Variants in MAST4 observed in about 807,000 individuals in gnomAD.
MAST4 encodes microtubule associated serine/threonine kinase family member 4.
Under a neutral mutation model 162.7 loss-of-function variants are expected in MAST4, and 89 were observed. The ratio of observed to expected loss-of-function variants is 0.55; its 90% CI spans 0.46 to 0.65. The LOEUF (loss-of-function observed/expected upper bound fraction) is 0.65, where lower values mean the gene tolerates loss of function less well. MAST4 is among the 30% of genes least tolerant of loss of function. MAST4 has a pLI of 0.00. For synonymous variants in MAST4, 1,479 were observed against 1,361.1 expected, an observed-to-expected ratio of 1.09 and a Z score of -1.91; for missense variants, 3,153 against 3,374.0, an observed-to-expected ratio of 0.93 and a Z score of 1.62.
At position 67,166,481 on chromosome 5, in the gene MAST4, C is replaced by T. The variant is rs1773991175; in HGVS notation, c.7302C>T (p.Pro2434=). 6.2e-7 allele frequency: 1 copy of T among 1,604,356 alleles called. No individual in the cohort carries two copies. The highest frequency in any genetic ancestry group is 8.5e-7 in the Non-Finnish European group (1 of 1,175,398). The change falls in exon 29 of 29, where the codon CCC becomes CCT. Residue 2434 remains proline, a synonymous_variant. Transcript: ENST00000403625. ...AGCCACCGACGGAGGCAGACAAGCC[C>T]AATGGCATGAAACGGTCCCCCTCAG... ...PQKPPTEADK[P]NGMKRSPSAT... is the part of the protein sequence containing the mutation.
intron 4 of MAST4, among the ~76,000 whole-genome samples, chr5:67,049,606 G>A (rs1193116832): frequency 6.6e-6 from 1 of 152,074 alleles, no homozygotes; most frequent in Non-Finnish European, 1.5e-5. Flanking sequence ...TCATTAGGAC[G>A]ATGTAATAAT....
intron 1 of MAST4, 131 bp downstream of exon 1, chr5:66,597,149 C>A: frequency 8.5e-7 from 1 of 1,173,812 alleles, no homozygotes; most frequent in Non-Finnish European, 1.1e-6. Flanking sequence ...AGCGCTCTGC[C>A]CCGAGCACGG....
intron 3 of MAST4, among the ~76,000 whole-genome samples, chr5:66,816,847 A>G (rs1312942223): frequency 6.6e-6 from 1 of 152,154 alleles, no homozygotes; most frequent in Non-Finnish European, 1.5e-5. Flanking sequence ...TTCAGAAACT[A>G]CTTACTTCCA....
intron 3 of MAST4, among the ~76,000 whole-genome samples, chr5:66,833,414 C>T (rs951469830): frequency 6.6e-6 from 1 of 152,198 alleles, no homozygotes; most frequent in Admixed American, 6.5e-5. Flanking sequence ...ATTCATCCTG[C>T]TTTTTAGCCC....
chr5:66,928,747 T>C (rs1223909068), intron 4 of MAST4, among the ~76,000 whole-genome samples: 3 of 152,092 alleles, frequency 2.0e-5, no homozygotes, highest in Non-Finnish European at 2.9e-5. Flanking sequence ...GGACTAGGGG[T>C]CATACCAGCC....
chr5:66,962,083 G>A (rs1042576348), intron 4 of MAST4, among the ~76,000 whole-genome samples: 1 of 152,086 alleles, frequency 6.6e-6, no homozygotes, highest in Non-Finnish European at 1.5e-5. Context: ...AGACAAGGAT[G>A]GCATTTAGGA....
chr5:66,779,233 A>T (rs1222915363), intron 2 of MAST4, among the ~76,000 whole-genome samples: 1 of 151,856 alleles, frequency 6.6e-6, no homozygotes, highest in African/African-American at 2.4e-5. Flanking sequence ...GCATCACCCT[A>T]CTCCCAATAC....
chr5:66,630,916 G>A (rs949406822), intron 1 of MAST4, among the ~76,000 whole-genome samples: 1 of 152,196 alleles, frequency 6.6e-6, no homozygotes, highest in Non-Finnish European at 1.5e-5. Flanking sequence ...GCATTCAGGA[G>A]CAATTGGGAA....
At chr5:66,948,930 A>C (rs886507298) in intron 4 of MAST4, among the ~76,000 whole-genome samples, 55 of 152,104 alleles carry the variant, frequency 3.6e-4, no homozygotes, top group African/African-American at 1.3e-3. Flanking sequence ...TGGGGCATTT[A>C]ATTCACACCC....
chr5:66,596,831 G>C lies in MAST4; in HGVS notation c.176G>C (p.Arg59Thr). Residue 59 changes from arginine to threonine, a missense_variant, in exon 1 of 29, where the codon AGA (arginine) becomes ACA (threonine). Around this residue, in one of 7 missense-constraint regions of MAST4, gnomAD observed 327 missense variants for 336.5 expected, o/e 0.97. Coordinates refer to ENST00000403625, the MANE Select transcript of MAST4 (RefSeq NM_001164664.2). ...GAAGGGGAGCCCGGCGGCTTCTCCA[G>C]AGAGCATCAGCCGCCGCCGCCGCCG... ...SEEGEPGGFS[R>T]EHQPPPPPPL... 7.6e-7 allele frequency: 1 copy of C among 1,309,780 alleles called. No homozygotes were observed. The highest frequency in any genetic ancestry group is 9.7e-7 in the Non-Finnish European group (1 of 1,029,052). The allele number at this position is 1,309,780 out of a possible 1,614,324, so 81.1% of individuals were successfully genotyped here.
chr5:66,719,951 CTTATAGAGAG>C (rs1028519637), intron 1 of MAST4, among the ~76,000 whole-genome samples: 3 of 152,038 alleles, frequency 2.0e-5, no homozygotes, highest in African/African-American at 7.3e-5. Flanking sequence ...AAGAGTTATC[CTTATAGAGAG>C]TTATGTATCA....
chr5:66,813,796 C>T (rs552739158), intron 3 of MAST4, among the ~76,000 whole-genome samples: 6 of 152,082 alleles, frequency 3.9e-5, no homozygotes, highest in Non-Finnish European at 7.4e-5. Context: ...AAAATGAGTC[C>T]ATGGGAAGTA....
chr5:66,724,146 G>A (rs1365144923), intron 1 of MAST4, among the ~76,000 whole-genome samples: 2 of 152,116 alleles, frequency 1.3e-5, no homozygotes, highest in African/African-American at 2.4e-5. Context: ...TACCAAGCAA[G>A]GTATTAATTT....
chr5:66,719,266 G>A (rs941543539), intron 1 of MAST4, among the ~76,000 whole-genome samples: 1 of 152,182 alleles, frequency 6.6e-6, no homozygotes, highest in South Asian at 2.1e-4. Context: ...TGTAAGAAAA[G>A]ATATAACTAT....
At chr5:66,640,412 A>G (rs1745415904) in intron 1 of MAST4, among the ~76,000 whole-genome samples, 1 of 149,812 alleles carries the variant, frequency 6.7e-6, no homozygotes, top group Non-Finnish European at 1.5e-5. Context: ...GGTTCATGCC[A>G]TTCTCCTGCC....
chr5:66,890,417 T>C (rs1258309210), intron 3 of MAST4, among the ~76,000 whole-genome samples: 2 of 152,188 alleles, frequency 1.3e-5, no homozygotes, highest in Non-Finnish European at 2.9e-5. Context: ...GGGTATAATG[T>C]GTTAGGAAGC....
intron 2 of MAST4, among the ~76,000 whole-genome samples, chr5:66,784,761 C>G (rs967323909): frequency 6.6e-6 from 1 of 152,162 alleles, no homozygotes; most frequent in Non-Finnish European, 1.5e-5. Context: ...TGAAGTGTGA[C>G]AGTACATTGA....
Position 67,164,030 on chromosome 5 carries a change from G to A in MAST4, c.4851G>A (p.Glu1617=). 6.3e-7 allele frequency: 1 copy of A among 1,585,894 alleles called. No homozygotes were observed. The highest frequency in any genetic ancestry group is 8.6e-7 in the Non-Finnish European group (1 of 1,165,870). The part of the protein sequence containing the change: ...LHKQASVRAS[E]GAMSDGRVPA... ...AGCAGGCCAGCGTGCGCGCCAGCGA[G>A]GGTGCGATGTCGGATGGCCGGGTGC... The change falls in exon 29 of 29, where the codon GAG becomes GAA. Residue 1617 remains glutamate (E), a synonymous_variant. Transcript: ENST00000403625. This position sits in a 1 kb window ranked among gnomAD's most constrained non-coding sequence, Gnocchi z 5.3.
At chr5:66,682,591 A>G (rs1748400409) in intron 1 of MAST4, among the ~76,000 whole-genome samples, 1 of 152,242 alleles carries the variant, frequency 6.6e-6, no homozygotes, top group African/African-American at 2.4e-5. Flanking sequence ...TAGATAATGC[A>G]TAAAAGCATC....
Sources: gnomAD v4.1 joint callset for allele counts (sites outside exome capture counted in the v4.1 genomes callset) on GRCh38, gnomAD v4.1.1 for gene constraint, gnomAD v4.1.1 regional missense constraint, Gnocchi (gnomAD v3.1) non-coding constraint, MANE v1.5 for transcripts, NCBI Gene and HGNC (gene_info 2026-07-23, HGNC 2026-07-21) for gene names.